The following PTGIS variants were observed in gnomAD, a reference collection of about 807,000 sequenced individuals.
PTGIS encodes prostaglandin I2 synthase, also known as prostacyclin synthase.
A neutral mutation model predicts 50.3 loss-of-function variants in PTGIS; 45 were observed. That is an observed-to-expected ratio of 0.90 (90% CI 0.70 to 1.15). The LOEUF (loss-of-function observed/expected upper bound fraction) is 1.15. Among genes scored for constraint, PTGIS ranks in the 50% most tolerant of loss-of-function variants. The pLI, the probability that PTGIS is intolerant of heterozygous loss-of-function variation, is 0.00. For missense variants in PTGIS, 668 were observed against 661.3 expected, an observed-to-expected ratio of 1.01 and a Z score of -0.11; for synonymous variants, 260 against 267.7, an observed-to-expected ratio of 0.97 and a Z score of 0.28.
chr20:49,544,325 G>A lies in PTGIS; in HGVS notation c.501C>T (p.Phe167=). 6.2e-7 allele frequency: 1 copy of A among 1,614,192 alleles called. No homozygotes were observed. The highest frequency in any genetic ancestry group is 1.1e-5 in the South Asian group (1 of 91,084). ...SGWHEMGLLD[F]SYSFLLRAGY... ...CTCACCTGAGCAGGAAGCTGTAGGA[G>A]AAGTCGAGGAGACCCATCTCGTGCC... Residue 167 remains phenylalanine (F), a synonymous_variant, in exon 4 of 10, where the codon TTC becomes TTT. Transcript: ENST00000244043.
At chr20:49,516,142 A>G (rs1318611625) in intron 6 of PTGIS, among the ~76,000 whole-genome samples, 1 of 151,740 alleles carries the variant, frequency 6.6e-6, no homozygotes, top group East Asian at 1.9e-4. Context: ...CAGCCTCCCA[A>G]AGAAGCACAG....
chr20:49,562,915 A>G (rs1043737094), intron 1 of PTGIS, among the ~76,000 whole-genome samples: 2 of 151,840 alleles, frequency 1.3e-5, no homozygotes, highest in African/African-American at 4.8e-5. Context: ...CGTGTTGTTC[A>G]CTCCAGCACT....
Position 49,507,142 on chromosome 20 carries a change from T to A in PTGIS, c.*778A>T, listed in dbSNP as rs1437422103. On this transcript the variant is annotated 3_prime_UTR_variant, in exon 10 of 10. Coordinates refer to ENST00000244043, the MANE Select transcript of PTGIS (RefSeq NM_000961.4). The stretch of plus-strand genomic sequence containing the variant: ...TTTTTGGCTTGATCAGTCTAAGGAG[T>A]CCTGGCTGGCTCCTTCCAGCCATCT... The A allele has an allele frequency of 6.5e-6, 1 of 154,550 alleles. No individual in the cohort carries two copies. The highest frequency in any genetic ancestry group is 2.4e-5 in the African/African-American group (1 of 41,366). 9.6% of individuals were successfully genotyped at this position (154,550 alleles called of 1,614,324 possible).
chr20:49,508,155 G>T (rs1981206912), intron 9 of PTGIS, 91 bp from the exon 10 acceptor site: 2 of 1,447,900 alleles, frequency 1.4e-6, no homozygotes, highest in South Asian at 1.2e-5. Context: ...TGCCTCCTAA[G>T]TCTGACTCCA....
At chr20:49,567,989 C>G (rs1469842012) in intron 1 of PTGIS, 54 bp downstream of exon 1, 3 of 1,434,202 alleles carry the variant, frequency 2.1e-6, no homozygotes, top group South Asian at 1.4e-5. Context: ...GGCTGCAGCC[C>G]GGGCGGGAGC....
At chr20:49,525,895 T>C (rs1471650871) in intron 5 of PTGIS, among the ~76,000 whole-genome samples, 2 of 151,972 alleles carry the variant, frequency 1.3e-5, no homozygotes, top group East Asian at 3.9e-4. Context: ...GGGTCGAAAA[T>C]GTAGACTATG....
intron 1 of PTGIS, 56 bp from the exon 2 acceptor site, chr20:49,550,245 G>T: frequency 6.3e-7 from 1 of 1,598,468 alleles, no homozygotes; most frequent in Non-Finnish European, 8.5e-7. Context: ...GGCATAAAGA[G>T]TGTAGGTTGC....
chr20:49,557,920 G>A (rs916439472), intron 1 of PTGIS, among the ~76,000 whole-genome samples: 6 of 152,062 alleles, frequency 3.9e-5, no homozygotes, highest in Middle Eastern at 3.4e-3. Flanking sequence ...CCCGCTTTAA[G>A]TATTGAAACC....
At chr20:49,513,469 C>G (rs1981382953) in intron 7 of PTGIS, among the ~76,000 whole-genome samples, 2 of 151,892 alleles carry the variant, frequency 1.3e-5, no homozygotes, top group Non-Finnish European at 2.9e-5. Context: ...TGAGGGTATC[C>G]AGGTCTGACC....
At chr20:49,549,963 TG>T (rs950896230) in intron 2 of PTGIS, 102 bp downstream of exon 2, 12 of 1,573,554 alleles carry the variant, frequency 7.6e-6, no homozygotes, top group East Asian at 4.5e-5. Flanking sequence ...GATGGTGGGG[TG>T]GGGGGGTTGG....
chr20:49,520,627 C>T (rs1383075774), intron 6 of PTGIS, among the ~76,000 whole-genome samples: 1 of 152,034 alleles, frequency 6.6e-6, no homozygotes, highest in Non-Finnish European at 1.5e-5. Flanking sequence ...AGCCACTGCG[C>T]CTGACTTCTA....
chr20:49,535,806 G>A (rs504974), intron 5 of PTGIS, among the ~76,000 whole-genome samples: 15,453 of 152,268 alleles, frequency 0.1, 1,018 homozygotes, highest in African/African-American at 0.18. Flanking sequence ...ATGAGCCACC[G>A]TGCTCGGCCA....
intron 9 of PTGIS, among the ~76,000 whole-genome samples, chr20:49,509,640 G>A (rs1020886406): frequency 1.3e-5 from 2 of 152,082 alleles, no homozygotes; most frequent in Non-Finnish European, 1.5e-5. Context: ...GCTGAACCTG[G>A]GTGTGCAGAA....
intron 4 of PTGIS, 119 bp downstream of exon 4, chr20:49,544,186 G>T (rs1471315864): frequency 2.2e-6 from 3 of 1,347,304 alleles, no homozygotes; most frequent in Non-Finnish European, 3.1e-6. Context: ...TTTGCTTTGG[G>T]TGTCTCAAAT....
chr20:49,558,617 A>T (rs567203609), intron 1 of PTGIS, among the ~76,000 whole-genome samples: 1 of 152,336 alleles, frequency 6.6e-6, no homozygotes, highest in East Asian at 1.9e-4. Flanking sequence ...AAGCAGTGTC[A>T]GAGGTGTTCA....
intron 1 of PTGIS, among the ~76,000 whole-genome samples, chr20:49,551,399 T>A (rs181529644): frequency 2.6e-5 from 4 of 152,208 alleles, no homozygotes. Flanking sequence ...ACTTTGGTCT[T>A]CACAACCTCT....
chr20:49,529,607 A>T (rs1015296094), intron 5 of PTGIS, among the ~76,000 whole-genome samples: 11 of 152,168 alleles, frequency 7.2e-5, no homozygotes, highest in Non-Finnish European at 1.5e-4. Context: ...TCTGAGTAGC[A>T]TGATGAACTC....
At chr20:49,530,540 C>T (rs1230950536) in intron 5 of PTGIS, among the ~76,000 whole-genome samples, 1 of 152,192 alleles carries the variant, frequency 6.6e-6, no homozygotes, top group East Asian at 1.9e-4. Context: ...TAAATTCCCA[C>T]CACCAGTGCG....
chr20:49,509,491 C>T (rs531062537), intron 9 of PTGIS, among the ~76,000 whole-genome samples: 1 of 152,222 alleles, frequency 6.6e-6, no homozygotes, highest in Non-Finnish European at 1.5e-5. Flanking sequence ...TCTGCTCTAA[C>T]ACTTGTTTTG....
Sources: allele counts gnomAD v4.1 joint callset (sites outside exome capture counted in the v4.1 genomes callset), GRCh38; gene constraint gnomAD v4.1.1; transcripts MANE v1.5; gene names NCBI Gene and HGNC (gene_info 2026-07-23, HGNC 2026-07-21).